PLAG1: variants seen among roughly 807,000 people sequenced by gnomAD.
PLAG1 encodes the protein zinc finger protein PLAG1.
In PLAG1, 7 loss-of-function variants were observed where a neutral mutation model predicts 35.5. The ratio of observed to expected loss-of-function variants is 0.20; its 90% CI spans 0.11 to 0.37. PLAG1 has a LOEUF of 0.37. Ranked by LOEUF, PLAG1 falls within the 10% of genes least tolerant of loss-of-function variation. PLAG1 has a pLI of 1.00. For missense variants in PLAG1, 454 were observed against 602.8 expected, an observed-to-expected ratio of 0.75 and a Z score of 2.58; for synonymous variants, 229 against 225.4, an observed-to-expected ratio of 1.02 and a Z score of -0.14.
intron 2 of PLAG1, among the ~76,000 whole-genome samples, chr8:56,173,553 A>G (rs2129226267): frequency 6.6e-6 from 1 of 152,000 alleles, no homozygotes; most frequent in East Asian, 1.9e-4. Context: ...AAGTGCAACA[A>G]AACTTGGTTT....
chr8:56,193,697 T>TC (rs1166333712), intron 1 of PLAG1, among the ~76,000 whole-genome samples: 2 of 142,060 alleles, frequency 1.4e-5, no homozygotes, highest in Non-Finnish European at 3.0e-5. Flanking sequence ...TAGGTAAACT[T>TC]TTTTTTTTTT....
intron 1 of PLAG1, among the ~76,000 whole-genome samples, chr8:56,198,375 C>G (rs763867784): frequency 2.6e-5 from 4 of 152,202 alleles, no homozygotes; most frequent in Middle Eastern, 3.2e-3. Context: ...CCCAGCAACA[C>G]GCCTCTCAAA....
At chr8:56,196,945 A>AGTGTGTGTGTGTGTGT (rs1366304305) in intron 1 of PLAG1, among the ~76,000 whole-genome samples, 3 of 84,112 alleles carry the variant, frequency 3.6e-5, no homozygotes, top group African/African-American at 8.3e-5. Context: ...CTCCCTCCCT[A>AGTGTGTGTGTGTGTGT]GTGTGCGTGT....
chr8:56,169,828 G>C (rs1230759374), intron 3 of PLAG1, among the ~76,000 whole-genome samples: 1 of 152,190 alleles, frequency 6.6e-6, no homozygotes, highest in Non-Finnish European at 1.5e-5. Context: ...ATAGGCGTGA[G>C]CCGCCACACC....
intron 1 of PLAG1, among the ~76,000 whole-genome samples, chr8:56,180,359 G>C (rs1585793872): frequency 6.6e-6 from 1 of 152,216 alleles, no homozygotes; most frequent in East Asian, 1.9e-4. Context: ...TATGGTTCCA[G>C]TCTGAGTTAC....
intron 2 of PLAG1, among the ~76,000 whole-genome samples, chr8:56,175,295 A>C (rs1811651583): frequency 6.6e-6 from 1 of 152,212 alleles, no homozygotes; most frequent in Non-Finnish European, 1.5e-5. Context: ...AAAATTTCCA[A>C]AGTGAAAACA....
intron 1 of PLAG1, among the ~76,000 whole-genome samples, chr8:56,198,321 GCA>G (rs1290468015): frequency 1.3e-5 from 2 of 152,204 alleles, no homozygotes; most frequent in African/African-American, 4.8e-5. Flanking sequence ...GGCTGTGCAG[GCA>G]CAGAGGGGTC....
rs1284720777 is a variant in PLAG1, at chr8:56,211,206, G to C, written c.-407C>G. Reference sequence around the variant, plus strand: ...TCTAATAATTTTTTTCTCATATTTCGGGCTGGACGCGGCGGGCCTGGAAAT... The same window carrying C: ...TCTAATAATTTTTTTCTCATATTTCCGGCTGGACGCGGCGGGCCTGGAAAT... On this transcript the variant is annotated 5_prime_UTR_variant, in exon 1 of 5. Transcript: ENST00000316981. 1 of 152,922 alleles carries C rather than the reference G, an allele frequency of 6.5e-6. No individual in the cohort carries two copies. The highest frequency in any genetic ancestry group is 1.5e-5 in the Non-Finnish European group (1 of 68,212). The allele number at this position is 152,922 out of a possible 1,614,324, so 9.5% of individuals were successfully genotyped here.
In PLAG1 at chr8:56,162,279, A is replaced by C; in HGVS notation, c.*3964T>G. ...TCTCCTCCAATGTCACATGGATCTC[A>C]GTAGGCTAGAAGCAACTTGGGTGAA... On this transcript the variant is annotated 3_prime_UTR_variant, in exon 5 of 5. Coordinates refer to ENST00000316981, the MANE Select transcript of PLAG1 (RefSeq NM_002655.3). 1 of 228,560 alleles carries C rather than the reference A, an allele frequency of 4.4e-6. No individual in the cohort carries two copies. The highest frequency in any genetic ancestry group is 8.7e-6 in the Non-Finnish European group (1 of 114,750). The allele number at this position is 228,560 out of a possible 1,614,324, so 14.2% of individuals were successfully genotyped here.
Position 56,161,585 on chromosome 8 carries a change from G to C in PLAG1, c.*4658C>G, listed in dbSNP as rs888382205. 2 of 228,566 alleles carry C rather than the reference G, an allele frequency of 8.8e-6. No homozygotes were observed. Among genetic ancestry groups the C allele is most frequent in the African/African-American group, 4.4e-5 (2 of 44,988 alleles). 14.2% of individuals were successfully genotyped at this position (228,566 alleles called of 1,614,324 possible). A position where few individuals can be genotyped will look rare whatever the true frequency, so the allele number is the denominator to read the frequency against. The stretch of plus-strand genomic sequence containing the variant: ...TGTGGACAAAAGCTGGGTTTGTTCT[G>C]GTAACATTTGCATGTCCGAGATCTC... On this transcript the variant is annotated 3_prime_UTR_variant, in exon 5 of 5. Transcript: ENST00000316981.
intron 2 of PLAG1, among the ~76,000 whole-genome samples, chr8:56,176,551 G>C (rs1024079334): frequency 6.6e-6 from 1 of 152,070 alleles, no homozygotes; most frequent in South Asian, 2.1e-4. Flanking sequence ...AAATGAAAAA[G>C]AAATTGTGCA....
intron 1 of PLAG1, among the ~76,000 whole-genome samples, chr8:56,192,437 CT>C (rs1159619422): frequency 1.3e-5 from 2 of 152,162 alleles, no homozygotes; most frequent in African/African-American, 4.8e-5. Flanking sequence ...AGTGGTATAG[CT>C]TTTGAGGAAT....
chr8:56,210,175 T>C (rs1350638079), intron 1 of PLAG1, among the ~76,000 whole-genome samples: 1 of 152,162 alleles, frequency 6.6e-6, no homozygotes, highest in Non-Finnish European at 1.5e-5. Flanking sequence ...TATTAACTCC[T>C]TGGTCCCTGC....
At position 56,163,114 on chromosome 8, in the gene PLAG1, A is replaced by T. The variant is rs1326226415; in HGVS notation, c.*3129T>A. The stretch of plus-strand genomic sequence containing the variant: ...CACACTCACACTTCCGTGTTTGGTG[A>T]CCTAACTTGTACATACATGTGGAAG... On this transcript the variant is annotated 3_prime_UTR_variant, in exon 5 of 5. Coordinates refer to ENST00000316981, the MANE Select transcript of PLAG1 (RefSeq NM_002655.3). 1 of 207,086 alleles carries T rather than the reference A, an allele frequency of 4.8e-6. No homozygotes were observed. The highest frequency in any genetic ancestry group is 2.3e-5 in the African/African-American group (1 of 43,718). The allele number at this position is 207,086 out of a possible 1,614,324, so 12.8% of individuals were successfully genotyped here.
At chr8:56,188,099 C>T (rs955746220) in intron 1 of PLAG1, among the ~76,000 whole-genome samples, 2 of 152,150 alleles carry the variant, frequency 1.3e-5, no homozygotes, top group South Asian at 2.1e-4. Context: ...AAAATCTACT[C>T]GACTGAAGCA....
Position 56,163,922 on chromosome 8 carries a change from C to T in PLAG1, c.*2321G>A, listed in dbSNP as rs1322817373. On this transcript the variant is annotated 3_prime_UTR_variant, in exon 5 of 5. Coordinates refer to ENST00000316981, the MANE Select transcript of PLAG1 (RefSeq NM_002655.3). ...TTTAAAAATAGGTTTTCTATTTGTGCTCTGTCACCAATTTTTTTCCTTTTA... is the reference window on the plus strand; with the variant it reads ...TTTAAAAATAGGTTTTCTATTTGTGTTCTGTCACCAATTTTTTTCCTTTTA... The T allele has an allele frequency of 1.1e-5, 2 of 182,788 alleles. No homozygotes were observed. The highest frequency in any genetic ancestry group is 2.3e-5 in the Non-Finnish European group (2 of 85,786). The allele number at this position is 182,788 out of a possible 1,614,324, so 11.3% of individuals were successfully genotyped here. A position where few individuals can be genotyped will look rare whatever the true frequency, so the allele number is the denominator to read the frequency against.
intron 1 of PLAG1, among the ~76,000 whole-genome samples, chr8:56,201,958 CTCTT>C (rs1308425435): frequency 1.4e-5 from 2 of 141,192 alleles, no homozygotes; most frequent in South Asian, 2.2e-4. Context: ...TCTTTTTGGG[CTCTT>C]TTTTTTTTTT....
intron 1 of PLAG1, among the ~76,000 whole-genome samples, chr8:56,203,695 T>C (rs1171978219): frequency 6.6e-6 from 1 of 152,086 alleles, no homozygotes; most frequent in African/African-American, 2.4e-5. Flanking sequence ...TCCAAATAAC[T>C]AGTAGGGCTG....
At chr8:56,184,986 T>G (rs1391760083) in intron 1 of PLAG1, among the ~76,000 whole-genome samples, 3 of 152,058 alleles carry the variant, frequency 2.0e-5, no homozygotes, top group African/African-American at 7.2e-5. Context: ...AATGAACAAG[T>G]TGTAGTATAT....
Sources: gnomAD v4.1 joint callset for allele counts (sites outside exome capture counted in the v4.1 genomes callset) on GRCh38, gnomAD v4.1.1 for gene constraint, MANE v1.5 for transcripts, NCBI Gene and HGNC (gene_info 2026-07-23, HGNC 2026-07-21) for gene names.